The following HDAC5 variants were observed in gnomAD, a reference collection of about 807,000 sequenced individuals.
HDAC5 encodes the protein antigen NY-CO-9.
Under a neutral mutation model 133.3 loss-of-function variants are expected in HDAC5, and 25 were observed. The ratio of observed to expected loss-of-function variants is 0.19; its 90% CI spans 0.14 to 0.26. HDAC5 has a LOEUF of 0.26. Among genes scored for constraint, HDAC5 ranks in the 10% least tolerant of loss-of-function variants. The pLI is 1.00. For synonymous variants in HDAC5, 589 were observed against 610.8 expected (o/e 0.96, Z 0.53); for missense variants, 1,041 against 1,460.5 (o/e 0.71, Z 4.68).
At chr17:44,083,769 CG>C in intron 17 of HDAC5, 35 bp downstream of exon 17, 2 of 1,588,980 alleles carry the variant, frequency 1.3e-6, no homozygotes, top group Non-Finnish European at 8.6e-7. Flanking sequence ...CTAGGAGAGC[CG>C]CCCGCCCACC....
intron 8 of HDAC5, 28 bp downstream of exon 8, chr17:44,092,353 A>G (rs766090722): frequency 1.2e-6 from 2 of 1,611,970 alleles, no homozygotes; most frequent in Non-Finnish European, 1.7e-6. Flanking sequence ...CCAGACCCTC[A>G]GAACAGGTAC....
At chr17:44,094,714 G>C (rs183116263) in intron 3 of HDAC5, among the ~76,000 whole-genome samples, 169 of 145,918 alleles carry the variant, frequency 1.2e-3, no homozygotes, top group African/African-American at 3.9e-3. Context: ...TTATGTATCT[G>C]TGTGTGTGTG....
intron 11 of HDAC5, among the ~76,000 whole-genome samples, chr17:44,090,632 C>T (rs1251018933): frequency 6.6e-6 from 1 of 152,114 alleles, no homozygotes; most frequent in African/African-American, 2.4e-5. Flanking sequence ...GCCTTGGCCT[C>T]CAAAGTGCCG....
In HDAC5 at chr17:44,094,091, G is replaced by A. The variant is rs565478769; in HGVS notation, c.95-257C>T. Among the ~76,000 whole-genome samples, 11 of 152,324 alleles carry A rather than the reference G, an allele frequency of 7.2e-5. No homozygotes were observed. In the East Asian group the frequency reaches 1.9e-3, roughly 27 times the overall value. On this transcript the variant is annotated intron_variant, in intron 3 of 26. Coordinates refer to ENST00000682912, the MANE Select transcript of HDAC5 (RefSeq NM_005474.5). ...ATCTCAGGTTAGTTTGGGAGGCTGA[G>A]GCAGGCAGATCACCTGAGGCCAGGA...
chr17:44,098,925 T>C (rs995116223), intron 3 of HDAC5, among the ~76,000 whole-genome samples: 4 of 151,838 alleles, frequency 2.6e-5, no homozygotes, highest in African/African-American at 9.7e-5. Flanking sequence ...AAGACCAGCC[T>C]GGCCAACATG....
intron 3 of HDAC5, among the ~76,000 whole-genome samples, chr17:44,097,316 G>A (rs1456280964): frequency 6.6e-6 from 1 of 152,246 alleles, no homozygotes; most frequent in Admixed American, 6.5e-5. Context: ...AGGCATGGTT[G>A]GGAACATTCC....
intron 16 of HDAC5, among the ~76,000 whole-genome samples, chr17:44,084,311 G>A (rs546890503): frequency 1.3e-5 from 2 of 152,268 alleles, no homozygotes; most frequent in South Asian, 2.1e-4. Context: ...AAGCCGTGGA[G>A]GAGGGGAACA....
At position 44,117,698 on chromosome 17, in the gene HDAC5, G is replaced by A; in HGVS notation, c.-183C>T. 1 of 656,472 alleles carries A rather than the reference G, an allele frequency of 1.5e-6. No homozygotes were observed. The highest frequency in any genetic ancestry group is 2.7e-6 in the Non-Finnish European group (1 of 364,090). 40.7% of individuals were successfully genotyped at this position (656,472 alleles called of 1,614,324 possible). On this transcript the variant is annotated 5_prime_UTR_variant, in exon 2 of 27. Transcript: ENST00000682912. This position sits in a 1 kb window ranked among gnomAD's most constrained non-coding sequence, Gnocchi z 4.2. Reference sequence around the variant, plus strand: ...GGCGAGGCAGTCAGGCACTCAGAACGGCATCCCTGGGGAGAGATGGAGCAG... The same window carrying A: ...GGCGAGGCAGTCAGGCACTCAGAACAGCATCCCTGGGGAGAGATGGAGCAG...
At position 44,088,269 on chromosome 17, in the gene HDAC5, T is replaced by G. The variant is rs979022690; in HGVS notation, c.1599+118A>C. ...CTCAGGCGATCTGCCCACCTCGGCC[T>G]CCCAATCAGGCGCGAGCCACCGTGT... On this transcript the variant is annotated intron_variant, in intron 12 of 26. Transcript: ENST00000682912. 29 of 1,440,482 alleles carry G rather than the reference T, an allele frequency of 2.0e-5. No individual in the cohort carries two copies. In the African/African-American group the frequency reaches 4.1e-4, roughly 20 times the overall value. The allele number at this position is 1,440,482 out of a possible 1,614,324, so 89.2% of individuals were successfully genotyped here. A position where few individuals can be genotyped will look rare whatever the true frequency, so the allele number is the denominator to read the frequency against.
chr17:44,110,742 G>T lies in HDAC5; in HGVS notation c.81C>A (p.Ser27Arg). 1 of 1,613,656 alleles carries T rather than the reference G, an allele frequency of 6.2e-7. No homozygotes were observed. The highest frequency in any genetic ancestry group is 8.5e-7 in the Non-Finnish European group (1 of 1,179,710). ...LEILPRTSLH[S>R]IPVTVEVKPV... ...CAAGGCACTTACCTGTCACAGGGAT[G>T]CTGTGCAGAGAAGTCCGCGGCAGGA... The change falls in exon 3 of 27, where the codon AGC (serine) becomes AGA (arginine). Residue 27 changes from serine to arginine, a missense_variant. Transcript: ENST00000682912.
In HDAC5 at chr17:44,092,800, G is replaced by A. The variant is rs759741763; in HGVS notation, c.648C>T (p.Ala216=). 8.7e-7 allele frequency: 1 copy of A among 1,149,092 alleles called. No individual in the cohort carries two copies. The highest frequency in any genetic ancestry group is 1.8e-5 in the South Asian group (1 of 54,138). 71.2% of individuals were successfully genotyped at this position (1,149,092 alleles called of 1,614,324 possible). ...AACTCTGGTCCAAAGAAGCATGGTG[G>A]GCTCCCCTGGGGTGGGGGGGGGGTG... ...SLPQHPKCWG[A]HHASLDQSSP... The change falls in exon 7 of 27, where the codon GCC becomes GCT. Residue 216 remains alanine, a synonymous_variant. Transcript: ENST00000682912.
At chr17:44,083,772 C>T in intron 17 of HDAC5, 33 bp downstream of exon 17, 6 of 1,566,162 alleles carry the variant, frequency 3.8e-6, no homozygotes, top group Non-Finnish European at 5.3e-6. Context: ...GGAGAGCCGC[C>T]CGCCCACCCC....
chr17:44,107,321 G>A (rs1046433862), intron 3 of HDAC5, among the ~76,000 whole-genome samples: 2 of 152,174 alleles, frequency 1.3e-5, no homozygotes, highest in Non-Finnish European at 2.9e-5. Flanking sequence ...AAACAGATAT[G>A]GCAAGGGCCG....
At chr17:44,084,942 A>T in intron 15 of HDAC5, 80 bp downstream of exon 15, 1 of 1,506,460 alleles carries the variant, frequency 6.6e-7, no homozygotes, top group Non-Finnish European at 9.0e-7. Flanking sequence ...ATGAGGAAGA[A>T]GCATGAAGAG....
At chr17:44,079,774 G>A (rs995848935) in intron 23 of HDAC5, among the ~76,000 whole-genome samples, 83 of 152,040 alleles carry the variant, frequency 5.5e-4, no homozygotes, top group African/African-American at 1.9e-3. Context: ...TGAACTAAAT[G>A]CCCTATCACA....
chr17:44,080,100 G>C lies in HDAC5; in HGVS notation c.2944+7C>G, dbSNP rs747845934. ...CACTTCCTCCCTCAATCCCCCAGCA[G>C]GCTTACATCTGGCGGTGACAGAGTA... On this transcript the variant is annotated splice_region_variant and intron_variant, in intron 23 of 26. Transcript: ENST00000682912. 6.9e-6 allele frequency: 11 copies of C among 1,586,946 alleles called. No homozygotes were observed. In the East Asian group the frequency reaches 2.2e-4, roughly 32 times the overall value.
At chr17:44,093,023 G>C in intron 6 of HDAC5, 69 bp downstream of exon 6, 1 of 1,145,354 alleles carries the variant, frequency 8.7e-7, no homozygotes, top group Non-Finnish European at 1.2e-6. Context: ...GAAGCCCCTT[G>C]CCATCCTATA....
intron 3 of HDAC5, among the ~76,000 whole-genome samples, chr17:44,102,010 A>G (rs975981947): frequency 1.3e-5 from 2 of 152,224 alleles, no homozygotes; most frequent in Non-Finnish European, 2.9e-5. Flanking sequence ...CTCAGTATTT[A>G]CAAAAAACAA....
chr17:44,099,825 T>TGGCTCAGGAGCTGCCCTGCCC (rs1269192311), intron 3 of HDAC5, among the ~76,000 whole-genome samples: 1 of 152,148 alleles, frequency 6.6e-6, no homozygotes, highest in Non-Finnish European at 1.5e-5. Context: ...TAGCAAGCTC[T>TGGCTCAGGAGCTGCCCTGCCC]GGCTCAGGAG....
Sources: gnomAD v4.1 joint callset for allele counts (sites outside exome capture counted in the v4.1 genomes callset) on GRCh38, gnomAD v4.1.1 for gene constraint, Gnocchi (gnomAD v3.1) non-coding constraint, MANE v1.5 for transcripts, NCBI Gene and HGNC (gene_info 2026-07-23, HGNC 2026-07-21) for gene names.